Variants in DAPK2 observed in about 807,000 individuals in gnomAD.
DAPK2 encodes death associated protein kinase 2.
A neutral mutation model predicts 44.1 loss-of-function variants in DAPK2; 35 were observed. That is an observed-to-expected ratio of 0.79 (90% confidence interval 0.61 to 1.05). DAPK2 has a LOEUF of 1.05. DAPK2 is among the 50% of genes least tolerant of loss of function. The probability of loss-of-function intolerance (pLI) is 0.00; values close to 1 mark genes in which losing one functional copy is unlikely to be tolerated. For missense variants in DAPK2, 453 were observed against 483.2 expected (o/e 0.94, Z 0.59); for synonymous variants, 174 against 182.6 (o/e 0.95, Z 0.38).
Position 63,908,094 on chromosome 15 carries a change from C to G in DAPK2, c.*426G>C, listed in dbSNP as rs1201455156. 6.5e-6 allele frequency: 1 copy of G among 153,902 alleles called. No homozygotes were observed. Among genetic ancestry groups the G allele is most frequent in the African/African-American group, 2.4e-5 (1 of 41,506 alleles). The allele number at this position is 153,902 out of a possible 1,614,324, so 9.5% of individuals were successfully genotyped here. A position where few individuals can be genotyped will look rare whatever the true frequency, so the allele number is the denominator to read the frequency against. Reference sequence around the variant, plus strand: ...CCAAGGTTCACTTTCCTCAATCACCCTGTTCCCAATGGGGAGGACTCTGTC... The same window carrying G: ...CCAAGGTTCACTTTCCTCAATCACCGTGTTCCCAATGGGGAGGACTCTGTC... On this transcript the variant is annotated 3_prime_UTR_variant, in exon 11 of 11. Coordinates refer to ENST00000261891, the Ensembl canonical transcript of DAPK2. The surrounding 1 kb of genome is among the most constrained non-coding windows in gnomAD (Gnocchi z 5.7).
At chr15:63,945,182 C>T (rs535787014) in intron 3 of DAPK2, among the ~76,000 whole-genome samples, 1 of 152,284 alleles carries the variant, frequency 6.6e-6, no homozygotes, top group Non-Finnish European at 1.5e-5. Context: ...TCCCTTACTT[C>T]TCCCTGAGCT....
chr15:64,003,373 C>G (rs2079148113), intron 1 of DAPK2, among the ~76,000 whole-genome samples: 1 of 152,204 alleles, frequency 6.6e-6, no homozygotes, highest in Non-Finnish European at 1.5e-5. Flanking sequence ...CAATAGCACT[C>G]TATCATAGGC....
intron 3 of DAPK2, among the ~76,000 whole-genome samples, chr15:63,947,600 A>G (rs183994467): frequency 3.4e-4 from 52 of 152,344 alleles, no homozygotes; most frequent in South Asian, 1.0e-3. Flanking sequence ...CTCTCTCAGC[A>G]TAGGTTTCTC....
In DAPK2 at chr15:63,923,475, C is replaced by T; in HGVS notation, c.858+1341G>A. On this transcript the variant is annotated intron_variant, in intron 8 of 10. Coordinates refer to ENST00000261891, the Ensembl canonical transcript of DAPK2. The surrounding 1 kb of genome is among the most constrained non-coding windows in gnomAD (Gnocchi z 4.2). ...GCATGCGTCAGGCCATGGGGAGAAC[C>T]AGGGTGGGATGAGCACCTCCTTAGG... 5.5e-6 allele frequency: 8 copies of T among 1,441,878 alleles called. No individual in the cohort carries two copies. The highest frequency in any genetic ancestry group is 1.4e-5 in the South Asian group (1 of 69,142). The allele number at this position is 1,441,878 out of a possible 1,614,324, so 89.3% of individuals were successfully genotyped here.
At chr15:64,012,745 C>G (rs908910888) in intron 1 of DAPK2, among the ~76,000 whole-genome samples, 4 of 152,154 alleles carry the variant, frequency 2.6e-5, no homozygotes, top group African/African-American at 7.2e-5. Context: ...GAAGGATATA[C>G]AAGAAACTTA....
intron 1 of DAPK2, among the ~76,000 whole-genome samples, chr15:63,989,575 G>C (rs999456334): frequency 6.6e-6 from 1 of 152,162 alleles, no homozygotes; most frequent in Non-Finnish European, 1.5e-5. Flanking sequence ...ATTCGACATT[G>C]TTTTGAATTG....
intron 1 of DAPK2, 72 bp from the exon 3 acceptor site, chr15:63,983,826 C>T (rs2078598486): frequency 7.1e-7 from 1 of 1,409,798 alleles, no homozygotes. Context: ...CTGTCAGCTA[C>T]CAGGTCACAC....
chr15:64,042,535 G>C (rs947867246), upstream of DAPK2, among the ~76,000 whole-genome samples: 1 of 152,172 alleles, frequency 6.6e-6, no homozygotes, highest in African/African-American at 2.4e-5. The surrounding 1 kb of genome is among the most constrained non-coding windows in gnomAD (Gnocchi z 4.7). Flanking sequence ...CATTTGCTGA[G>C]AGCAGGATTC....
intron 4 of DAPK2, among the ~76,000 whole-genome samples, chr15:63,930,759 C>T (rs1013736769): frequency 1.3e-5 from 2 of 152,126 alleles, no homozygotes; most frequent in African/African-American, 4.8e-5. Context: ...GACTAGTACC[C>T]TTATAAAGAG....
chr15:63,975,953 C>T (rs2078334914), intron 2 of DAPK2, among the ~76,000 whole-genome samples: 1 of 152,182 alleles, frequency 6.6e-6, no homozygotes, highest in South Asian at 2.1e-4. Context: ...CATTCCCTGC[C>T]CCCTAGTCCA....
intron 1 of DAPK2, among the ~76,000 whole-genome samples, chr15:64,006,342 T>G (rs2079229335): frequency 6.6e-6 from 1 of 152,062 alleles, no homozygotes. Context: ...GCCTTTACCA[T>G]CAGAGGCCAT....
intron 2 of DAPK2, among the ~76,000 whole-genome samples, chr15:63,973,545 T>C (rs560866108): frequency 1.3e-5 from 2 of 152,360 alleles, no homozygotes; most frequent in African/African-American, 4.8e-5. Flanking sequence ...CACGACATGT[T>C]TGATGTCATT....
Position 63,923,410 on chromosome 15 carries a change from G to T in DAPK2, c.858+1406C>A. 6.7e-7 allele frequency: 1 copy of T among 1,491,674 alleles called. No homozygotes were observed. Among genetic ancestry groups the T allele is most frequent in the Non-Finnish European group, 8.9e-7 (1 of 1,123,862 alleles). The allele number at this position is 1,491,674 out of a possible 1,614,324, so 92.4% of individuals were successfully genotyped here. ...CGCCCACCCCAGAGGGCAGTCCAAA[G>T]GGTAGGCAGAAGGCACACAAGCGGC... On this transcript the variant is annotated intron_variant, in intron 8 of 10. Coordinates refer to ENST00000261891, the Ensembl canonical transcript of DAPK2. This position sits in a 1 kb window ranked among gnomAD's most constrained non-coding sequence, Gnocchi z 4.2.
intron 5 of DAPK2, chr15:63,929,984 TC>T (rs531329195): frequency 5.5e-4 from 244 of 441,902 alleles, no homozygotes; most frequent in Middle Eastern, 4.2e-3. Context: ...ATGAAACGAG[TC>T]CCATCTGTGC....
intron 4 of DAPK2, among the ~76,000 whole-genome samples, chr15:63,937,624 CCT>C: frequency 1.3e-5 from 2 of 152,152 alleles, no homozygotes; most frequent in East Asian, 1.9e-4. Flanking sequence ...CAGCCCTTTT[CCT>C]CTCACTCACT....
chr15:63,993,180 AT>A (rs1297371735), intron 1 of DAPK2, among the ~76,000 whole-genome samples: 3 of 152,216 alleles, frequency 2.0e-5, no homozygotes, highest in Admixed American at 6.5e-5. Flanking sequence ...CCCATAATTC[AT>A]GTAAGGTGAC....
rs1011752252 is a variant in DAPK2 at position 64,019,420 on chromosome 15, A to G, written c.92+20750T>C. 2.6e-5 allele frequency among the ~76,000 whole-genome samples: 4 copies of G among 152,224 alleles called. No homozygotes were observed. In the East Asian group the frequency reaches 7.7e-4, roughly 29 times the overall value. ...CATGGACTTTTCTCTTTTGATAACT[A>G]CGGTACTACCCAGTGTCCAGTAGGC... On this transcript the variant is annotated intron_variant, in intron 1 of 10. Transcript: ENST00000261891.
Position 63,966,862 on chromosome 15 carries a change from C to T in DAPK2, c.453+4561G>A, listed in dbSNP as rs1361265665. Among the ~76,000 whole-genome samples the T allele has an allele frequency of 6.6e-6, 1 of 152,142 alleles. No individual in the cohort carries two copies. Among genetic ancestry groups the T allele is most frequent in the Non-Finnish European group, 1.5e-5 (1 of 68,034 alleles). ...CTGTCTTTCCTACCCTCTTCAGTGC[C>T]TCTTTCTGTGATATGAAATTAAAAC... On this transcript the variant is annotated intron_variant, in intron 3 of 10. Coordinates refer to ENST00000261891, the Ensembl canonical transcript of DAPK2. This position sits in a 1 kb window ranked among gnomAD's most constrained non-coding sequence, Gnocchi z 5.5.
rs893180597 is a variant in DAPK2, at chr15:64,013,438, T to G, written c.92+26732A>C. Among the ~76,000 whole-genome samples, 3 of 152,182 alleles carry G rather than the reference T, an allele frequency of 2.0e-5. No homozygotes were observed. Among genetic ancestry groups the G allele is most frequent in the Admixed American group, 2.0e-4 (3 of 15,280 alleles). On this transcript the variant is annotated intron_variant, in intron 1 of 10. Coordinates refer to ENST00000261891, the Ensembl canonical transcript of DAPK2. The surrounding 1 kb of genome is among the most constrained non-coding windows in gnomAD (Gnocchi z 4.7). ...AAGACTTAGTAATTGGGCAGAAAAG[T>G]GAAACCAGGAGAGAAGCTTTCAACA...
Sources: allele counts gnomAD v4.1 joint callset (sites outside exome capture counted in the v4.1 genomes callset), GRCh38; gene constraint gnomAD v4.1.1; non-coding constraint Gnocchi (gnomAD v3.1); transcripts MANE v1.5; gene names NCBI Gene and HGNC (gene_info 2026-07-23, HGNC 2026-07-21).